The following ZNF385B variants were observed in gnomAD, a reference collection of about 807,000 sequenced individuals.
ZNF385B encodes the protein zinc finger protein 385B.
ZNF385B carries 23 observed loss-of-function variants against 39.2 expected under a neutral mutation model. The ratio of observed to expected loss-of-function variants is 0.59; its 90% CI spans 0.42 to 0.83. The LOEUF is 0.83. ZNF385B is among the 40% of genes least tolerant of loss of function. The pLI is 0.00. For synonymous variants in ZNF385B, 205 were observed against 222.6 expected (o/e 0.92, Z 0.70); for missense variants, 552 against 598.9 (o/e 0.92, Z 0.82).
intron 3 of ZNF385B, among the ~76,000 whole-genome samples, chr2:179,559,430 G>A: frequency 6.6e-6 from 1 of 152,032 alleles, no homozygotes; most frequent in Non-Finnish European, 1.5e-5. Flanking sequence ...GCAGCTTCTG[G>A]GGCACTAGCG....
At chr2:179,514,739 G>C (rs1266106050) in intron 5 of ZNF385B, among the ~76,000 whole-genome samples, 1 of 150,842 alleles carries the variant, frequency 6.6e-6, no homozygotes, top group Non-Finnish European at 1.5e-5. Context: ...ATGGAGGTTG[G>C]GAAGATGAGG....
At chr2:179,519,428 C>T (rs139410918) in intron 4 of ZNF385B, among the ~76,000 whole-genome samples, 1,944 of 152,164 alleles carry the variant, frequency 0.013, 40 homozygotes, top group African/African-American at 0.043. Flanking sequence ...GACATGCAAC[C>T]CTTGGTTAAA....
intron 4 of ZNF385B, among the ~76,000 whole-genome samples, chr2:179,525,652 A>G (rs1392143516): frequency 6.6e-6 from 1 of 152,192 alleles, no homozygotes; most frequent in African/African-American, 2.4e-5. Context: ...AGACATGATT[A>G]TTATCAGTAT....
intron 6 of ZNF385B, among the ~76,000 whole-genome samples, chr2:179,478,729 C>T (rs779786348): frequency 1.4e-4 from 21 of 152,100 alleles, no homozygotes; most frequent in Admixed American, 3.9e-4. Flanking sequence ...AAATCCAATG[C>T]GAAAGCCCAG....
chr2:179,702,281 A>G (rs1477920879), intron 3 of ZNF385B, among the ~76,000 whole-genome samples: 1 of 152,162 alleles, frequency 6.6e-6, no homozygotes, highest in African/African-American at 2.4e-5. Context: ...TATTAATATT[A>G]CTCTGTATTT....
chr2:179,527,528 AT>A (rs11431541), intron 4 of ZNF385B, among the ~76,000 whole-genome samples: 1,901 of 147,866 alleles, frequency 0.013, 19 homozygotes, highest in Middle Eastern at 0.06. Context: ...TTTTCTGGTC[AT>A]TTTTTTTTTT....
chr2:179,590,187 G>T (rs568359774), intron 3 of ZNF385B, among the ~76,000 whole-genome samples: 1 of 152,198 alleles, frequency 6.6e-6, no homozygotes, highest in Admixed American at 6.5e-5. Context: ...TTGAACAAGA[G>T]AGGGCACATA....
intron 1 of ZNF385B, among the ~76,000 whole-genome samples, chr2:179,852,357 A>G (rs1397329929): frequency 6.6e-6 from 1 of 152,226 alleles, no homozygotes; most frequent in Non-Finnish European, 1.5e-5. Context: ...CCACCTGGTC[A>G]CTGCCATCAA....
At chr2:179,528,885 G>T (rs2059090009) in intron 4 of ZNF385B, among the ~76,000 whole-genome samples, 1 of 152,194 alleles carries the variant, frequency 6.6e-6, no homozygotes, top group African/African-American at 2.4e-5. Flanking sequence ...ATGCTGCGGG[G>T]ATCAAGAGTG....
intron 1 of ZNF385B, among the ~76,000 whole-genome samples, chr2:179,816,815 C>T (rs189082303): frequency 6.6e-6 from 1 of 152,228 alleles, no homozygotes; most frequent in East Asian, 1.9e-4. Context: ...ATATACTGTA[C>T]TCTAATTGCC....
At chr2:179,489,040 G>T (rs1007561283) in intron 5 of ZNF385B, among the ~76,000 whole-genome samples, 1 of 152,160 alleles carries the variant, frequency 6.6e-6, no homozygotes, top group African/African-American at 2.4e-5. Flanking sequence ...AAGAAACAAA[G>T]AATATGAGAA....
chr2:179,799,670 A>G (rs962413101), intron 1 of ZNF385B, among the ~76,000 whole-genome samples: 6 of 152,122 alleles, frequency 3.9e-5, no homozygotes, highest in Admixed American at 2.6e-4. Context: ...TCTTACAGTC[A>G]AGTGAAAATA....
intron 1 of ZNF385B, among the ~76,000 whole-genome samples, chr2:179,797,661 T>C (rs1237835704): frequency 6.6e-6 from 1 of 152,222 alleles, no homozygotes; most frequent in Admixed American, 6.5e-5. Context: ...AGGCTAGGTT[T>C]TGCTGATTGT....
At chr2:179,846,876 C>A (rs1184690846) in intron 1 of ZNF385B, among the ~76,000 whole-genome samples, 2 of 152,210 alleles carry the variant, frequency 1.3e-5, no homozygotes, top group Non-Finnish European at 2.9e-5. Context: ...AGACATGACT[C>A]CTGCTCTGCC....
intron 3 of ZNF385B, among the ~76,000 whole-genome samples, chr2:179,764,651 A>G (rs1216754028): frequency 6.6e-6 from 1 of 152,182 alleles, no homozygotes; most frequent in African/African-American, 2.4e-5. Context: ...TGATATACAC[A>G]TGTGACTTAT....
chr2:179,633,726 T>C (rs981486012), intron 3 of ZNF385B, among the ~76,000 whole-genome samples: 4 of 152,034 alleles, frequency 2.6e-5, no homozygotes, highest in Non-Finnish European at 2.9e-5. Context: ...GGGAAAGAAA[T>C]AAAGGGTATT....
Position 179,768,393 on chromosome 2 carries a change from C to A in ZNF385B, c.298+1110G>T, listed in dbSNP as rs553240012. On this transcript the variant is annotated intron_variant, in intron 3 of 9. Coordinates refer to ENST00000410066, the MANE Select transcript of ZNF385B (RefSeq NM_152520.6). ...TGCTGTAAGCCCCTTTACTTTCTTTCACAGCATGTTAAATATTGACTTAAG... is the reference window on the plus strand; with the variant it reads ...TGCTGTAAGCCCCTTTACTTTCTTTAACAGCATGTTAAATATTGACTTAAG... Among the ~76,000 whole-genome samples the A allele has an allele frequency of 2.6e-5, 4 of 152,230 alleles. No homozygotes were observed. In the East Asian group the frequency reaches 7.7e-4, roughly 29 times the overall value.
chr2:179,468,064 C>T (rs2052285987), intron 6 of ZNF385B, among the ~76,000 whole-genome samples: 1 of 152,192 alleles, frequency 6.6e-6, no homozygotes, highest in Non-Finnish European at 1.5e-5. Context: ...CCATTGCCCT[C>T]CTTGTCTAAG....
At chr2:179,490,226 T>G (rs926191995) in intron 5 of ZNF385B, among the ~76,000 whole-genome samples, 1 of 152,158 alleles carries the variant, frequency 6.6e-6, no homozygotes, top group Non-Finnish European at 1.5e-5. Context: ...CCAATTTAGA[T>G]TCTAACAATA....
Sources: gnomAD v4.1 joint callset for allele counts (sites outside exome capture counted in the v4.1 genomes callset) on GRCh38, gnomAD v4.1.1 for gene constraint, MANE v1.5 for transcripts, NCBI Gene and HGNC (gene_info 2026-07-23, HGNC 2026-07-21) for gene names.